CACNA1C: variants seen among roughly 807,000 people sequenced by gnomAD.
CACNA1C encodes voltage-dependent L-type calcium channel subunit alpha-1C.
CACNA1C carries 30 observed loss-of-function variants against 229.0 expected under a neutral mutation model. The observed-to-expected ratio is 0.13, with a 90% CI of 0.10 to 0.18. The LOEUF (loss-of-function observed/expected upper bound fraction) is 0.18. CACNA1C is among the 10% of genes least tolerant of loss of function. The probability of loss-of-function intolerance (pLI) is 1.00; values close to 1 mark genes in which losing one functional copy is unlikely to be tolerated. For missense variants in CACNA1C, 1,658 were observed against 2,845.0 expected, an observed-to-expected ratio of 0.58 and a Z score of 9.49; for synonymous variants, 1,114 against 1,132.5, an observed-to-expected ratio of 0.98 and a Z score of 0.33.
rs113556898 is a variant in CACNA1C, at chr12:1,981,534, T to C, written c.139+10333T>C. Among the ~76,000 whole-genome samples, 6 of 152,350 alleles carry C rather than the reference T, an allele frequency of 3.9e-5. 1 individual carries two copies. Among genetic ancestry groups the C allele is most frequent in the African/African-American group, 1.4e-4 (6 of 41,580 alleles). On this transcript the variant is annotated intron_variant, in intron 1 of 46. Coordinates refer to the CACNA1C transcript ENST00000682462. ...TATAAGCACAACTAGTAATTGCCTT[T>C]ATTTCTAGCTCAGATTTAGCATGTT...
Position 2,457,685 on chromosome 12 carries a change from C to A in CACNA1C, c.736C>A (p.Arg246=). 2 of 1,598,078 alleles carry A rather than the reference C, an allele frequency of 1.3e-6. No individual in the cohort carries two copies. The highest frequency in any genetic ancestry group is 8.5e-7 in the Non-Finnish European group (1 of 1,173,088). ...GGCCTTCCGCGTGCTGCGCCCCCTGCGGCTGGTGTCCGGAGTCCCAAGTAA... is the reference window on the plus strand; with the variant it reads ...GGCCTTCCGCGTGCTGCGCCCCCTGAGGCTGGTGTCCGGAGTCCCAAGTAA... ...LRAFRVLRPL[R]LVSGVPSLQV... The change falls in exon 5 of 47, where the codon CGG becomes AGG. Residue 246 remains arginine, a synonymous_variant. Transcript: ENST00000399655.
At chr12:2,382,277 A>G (rs187417460) in intron 3 of CACNA1C, among the ~76,000 whole-genome samples, 83 of 152,334 alleles carry the variant, frequency 5.4e-4, no homozygotes, top group Non-Finnish European at 1.0e-3. Context: ...TCTCAAAAAT[A>G]TTGTTTGCTT....
At chr12:2,535,146 T>A (rs542530758) in intron 9 of CACNA1C, among the ~76,000 whole-genome samples, 1 of 152,186 alleles carries the variant, frequency 6.6e-6, no homozygotes, top group East Asian at 1.9e-4. Context: ...TCCCAGCACT[T>A]TGGGAGGCCG....
At position 2,512,602 on chromosome 12, in the gene CACNA1C, C is replaced by T. The variant is rs60005265; in HGVS notation, c.1218-210C>T. Among the ~76,000 whole-genome samples, 2,995 of 152,224 alleles carry T rather than the reference C, an allele frequency of 0.02. 81 individuals are homozygous for T. The highest frequency in any genetic ancestry group is 0.066 in the African/African-American group (2,732 of 41,512). ...AGTGTCAGGAATGTCCCCTTACTGA[C>T]GCTTCCCATCGAGGTGATAGTAGAC... On this transcript the variant is annotated intron_variant, in intron 8 of 46. Transcript: ENST00000399655. The surrounding 1 kb of genome is among the most constrained non-coding windows in gnomAD (Gnocchi z 4.3).
chr12:2,305,565 G>T (rs2094943937), intron 3 of CACNA1C, among the ~76,000 whole-genome samples: 1 of 152,224 alleles, frequency 6.6e-6, no homozygotes, highest in Admixed American at 6.5e-5. Context: ...GTTGCTCAAG[G>T]CAGATGCAGA....
At chr12:2,122,326 T>A (rs532741467) in intron 3 of CACNA1C, among the ~76,000 whole-genome samples, 1 of 152,306 alleles carries the variant, frequency 6.6e-6, no homozygotes, top group East Asian at 1.9e-4. Flanking sequence ...ATGGTAATGA[T>A]ACCTCAAAAA....
intron 3 of CACNA1C, among the ~76,000 whole-genome samples, chr12:2,210,734 TAA>T (rs540772749): frequency 1.3e-5 from 2 of 152,234 alleles, no homozygotes; most frequent in South Asian, 4.2e-4. Flanking sequence ...AAAAAAGCAT[TAA>T]GTTAATTTTT....
At chr12:2,094,935 A>G (rs2073171061) in intron 1 of CACNA1C, among the ~76,000 whole-genome samples, 1 of 152,240 alleles carries the variant, frequency 6.6e-6, no homozygotes. Context: ...GAGACCATTT[A>G]ATGACTACTT....
At position 2,120,656 on chromosome 12, in the gene CACNA1C, CTGTG is replaced by C. The variant is rs112680750; in HGVS notation, c.477+264_477+267del. Among the ~76,000 whole-genome samples the C allele has an allele frequency of 0.013, 1,807 of 139,824 alleles. 18 individuals are homozygous for C. Among genetic ancestry groups the C allele is most frequent in the Middle Eastern group, 0.04 (11 of 274 alleles). The allele number at this position is 139,824 out of a possible 152,430, so 91.7% of individuals were successfully genotyped here. ...TATTCCAGTTAGGTGGTGGTGAGCT[CTGTG>C]TGTGTGTGTGTGTGTGTGTGTGTGT... On this transcript the variant is annotated intron_variant, in intron 3 of 46. Transcript: ENST00000399655.
intron 45 of CACNA1C, among the ~76,000 whole-genome samples, chr12:2,688,231 C>G (rs1340996699): frequency 6.6e-6 from 1 of 152,256 alleles, no homozygotes; most frequent in Non-Finnish European, 1.5e-5. Context: ...AAAGAGATCA[C>G]TTCAGACCCA....
intron 3 of CACNA1C, among the ~76,000 whole-genome samples, chr12:2,367,720 A>G (rs1004734334): frequency 3.3e-5 from 5 of 152,164 alleles, no homozygotes; most frequent in African/African-American, 4.8e-5. Flanking sequence ...GAAATAAAAA[A>G]GAGCAAAAAT....
rs571777674 is a variant in CACNA1C, at chr12:2,333,651, CAG to C, written c.478-115324_478-115323del. Among the ~76,000 whole-genome samples the C allele has an allele frequency of 2.3e-4, 35 of 152,270 alleles. No homozygotes were observed. In the East Asian group the frequency reaches 3.3e-3, roughly 14 times the overall value. ...TCCGTCACCTCACAAGGCGTAACGA[CAG>C]GGGACAGCTGCAGAGAGAGATGGAG... On this transcript the variant is annotated intron_variant, in intron 3 of 46. Coordinates refer to ENST00000399655, the MANE Select transcript of CACNA1C (RefSeq NM_000719.7).
intron 1 of CACNA1C, among the ~76,000 whole-genome samples, chr12:2,071,171 TCCCTGCCTGCCTGCCTG>T (rs2061183769): frequency 1.3e-5 from 1 of 78,014 alleles, no homozygotes; most frequent in Non-Finnish European, 2.4e-5. Context: ...CCTCCCTCCC[TCCCTGCCTGCCTGCCTG>T]CCTGCCTGCC....
intron 8 of CACNA1C, among the ~76,000 whole-genome samples, chr12:2,511,317 G>A (rs1328893913): frequency 6.6e-6 from 1 of 152,172 alleles, no homozygotes; most frequent in Non-Finnish European, 1.5e-5. Flanking sequence ...AAGTGGCACA[G>A]GCCAAATGCA....
In CACNA1C at chr12:2,584,583, G is replaced by A; in HGVS notation, c.2305G>A (p.Glu769Lys). The A allele has an allele frequency of 6.2e-7, 1 of 1,613,574 alleles. No homozygotes were observed. The highest frequency in any genetic ancestry group is 8.5e-7 in the Non-Finnish European group (1 of 1,179,646). ...AESLTSAQKE[E>K]EEEKERKKLA... ...GAGCCTCACATCTGCCCAAAAGGAG[G>A]AGGAAGAGGAGAAGGAGAGAAAGAA... is the stretch of plus-strand genomic sequence containing the variant. Residue 769 changes from glutamate to lysine, a missense_variant, in exon 16 of 47, where the codon GAG (glutamate) becomes AAG (lysine). Transcript: ENST00000399655.
intron 13 of CACNA1C, among the ~76,000 whole-genome samples, chr12:2,577,852 A>C (rs1222036551): frequency 2.0e-5 from 3 of 151,036 alleles, no homozygotes; most frequent in African/African-American, 4.9e-5. Flanking sequence ...GCAGACAATA[A>C]GCAAAGAAGT....
chr12:1,992,900 C>T (rs1428578966), intron 1 of CACNA1C: 11 of 521,104 alleles, frequency 2.1e-5, no homozygotes, highest in African/African-American at 3.8e-5. Context: ...ATAGCAGACT[C>T]GTTAATTCTT....
At chr12:2,268,705 G>T (rs1321948773) in intron 3 of CACNA1C, among the ~76,000 whole-genome samples, 1 of 152,170 alleles carries the variant, frequency 6.6e-6, no homozygotes, top group Non-Finnish European at 1.5e-5. Context: ...ACCACGGGAA[G>T]GGCTCCCCAA....
At chr12:2,320,643 T>C (rs2095937347) in intron 3 of CACNA1C, among the ~76,000 whole-genome samples, 1 of 152,152 alleles carries the variant, frequency 6.6e-6, no homozygotes, top group African/African-American at 2.4e-5. Flanking sequence ...CTTTTCTCTC[T>C]GGGGGTGGAT....
Sources: allele counts gnomAD v4.1 joint callset (sites outside exome capture counted in the v4.1 genomes callset), GRCh38; gene constraint gnomAD v4.1.1; non-coding constraint Gnocchi (gnomAD v3.1); transcripts MANE v1.5; gene names NCBI Gene and HGNC (gene_info 2026-07-23, HGNC 2026-07-21).